AXDND1: variants seen among roughly 807,000 people sequenced by gnomAD.
AXDND1 encodes the protein axonemal dynein light chain domain containing 1.
Under a neutral mutation model 137.5 loss-of-function variants are expected in AXDND1, and 110 were observed. That is an observed-to-expected ratio of 0.80 (90% confidence interval 0.69 to 0.94). AXDND1 has a LOEUF of 0.94. AXDND1 is among the 40% of genes least tolerant of loss of function. The pLI, the probability that AXDND1 is intolerant of heterozygous loss-of-function variation, is 0.00. For missense variants in AXDND1, 1,191 were observed against 1,169.8 expected (o/e 1.02, Z -0.26); for synonymous variants, 414 against 399.7 (o/e 1.04, Z -0.43).
Position 179,411,136 on chromosome 1 carries a change from GT to G in AXDND1, c.1110-5del. On this transcript the variant is annotated splice_polypyrimidine_tract_variant and intron_variant, in intron 11 of 25. Coordinates refer to ENST00000367618, the MANE Select transcript of AXDND1 (RefSeq NM_144696.6). The stretch of plus-strand genomic sequence containing the variant: ...AATTAAATGAAGCTGTTTCTTAATT[GT>G]TTTTATAGAATAGTAGAAGAATATC... The G allele has an allele frequency of 6.5e-7, 1 of 1,533,496 alleles. No homozygotes were observed. The highest frequency in any genetic ancestry group is 1.2e-5 in the South Asian group (1 of 80,254). The allele number at this position is 1,533,496 out of a possible 1,614,324, so 95.0% of individuals were successfully genotyped here. A position where few individuals can be genotyped will look rare whatever the true frequency, so the allele number is the denominator to read the frequency against.
intron 11 of AXDND1, among the ~76,000 whole-genome samples, chr1:179,409,216 A>G (rs1424311643): frequency 6.6e-6 from 1 of 151,688 alleles, no homozygotes; most frequent in African/African-American, 2.4e-5. Flanking sequence ...TTTGGTATCT[A>G]TTATGAATGG....
intron 15 of AXDND1, among the ~76,000 whole-genome samples, chr1:179,434,869 G>A (rs1657917607): frequency 6.6e-6 from 1 of 152,120 alleles, no homozygotes; most frequent in African/African-American, 2.4e-5. Context: ...AAGAAATAGA[G>A]AGTATTCACA....
At chr1:179,525,478 T>C (rs745762563) in intron 22 of AXDND1, 31 bp downstream of exon 22, 2 of 508,182 alleles carry the variant, frequency 3.9e-6, no homozygotes, top group Non-Finnish European at 5.5e-6. Context: ...TTTTTCCTCC[T>C]ACATACATAC....
intron 6 of AXDND1, among the ~76,000 whole-genome samples, chr1:179,379,932 C>G (rs1250232447): frequency 6.6e-6 from 1 of 151,954 alleles, no homozygotes; most frequent in East Asian, 1.9e-4. Flanking sequence ...AACATTTGAG[C>G]CAGCCATCCT....
chr1:179,448,890 ATTT>A (rs34365013), intron 16 of AXDND1: 118 of 156,514 alleles, frequency 7.5e-4, no homozygotes, highest in South Asian at 2.0e-3. Context: ...TTTTGAGTTA[ATTT>A]TTTTTTTTTT....
chr1:179,541,489 T>C (rs1431581437), intron 25 of AXDND1, among the ~76,000 whole-genome samples: 1 of 151,974 alleles, frequency 6.6e-6, no homozygotes, highest in African/African-American at 2.4e-5. Context: ...GTTTTTTTTT[T>C]TTTTTTAATA....
intron 13 of AXDND1, among the ~76,000 whole-genome samples, chr1:179,430,137 A>G (rs1460359523): frequency 6.6e-6 from 1 of 151,936 alleles, no homozygotes; most frequent in East Asian, 1.9e-4. Flanking sequence ...AATAGCTATA[A>G]TTCACATTTG....
chr1:179,382,373 G>C (rs1042627369), intron 6 of AXDND1, among the ~76,000 whole-genome samples: 1 of 152,174 alleles, frequency 6.6e-6, no homozygotes, highest in African/African-American at 2.4e-5. Flanking sequence ...GAGCCACCAT[G>C]CCCGGCCCAT....
intron 19 of AXDND1, among the ~76,000 whole-genome samples, chr1:179,492,561 A>G (rs1215222685): frequency 2.6e-5 from 4 of 152,216 alleles, no homozygotes; most frequent in Non-Finnish European, 5.9e-5. Context: ...TGCTATCATT[A>G]CTTTAAATTC....
At chr1:179,434,041 T>C (rs61820981) in intron 15 of AXDND1, among the ~76,000 whole-genome samples, 17,580 of 152,170 alleles carry the variant, frequency 0.12, 1,213 homozygotes, top group East Asian at 0.35. Flanking sequence ...TGCTTCTGTG[T>C]TGGGTGCATA....
At chr1:179,375,557 CACATATATGTACAT>C (rs1437227699) in intron 4 of AXDND1, among the ~76,000 whole-genome samples, 1 of 149,976 alleles carries the variant, frequency 6.7e-6, no homozygotes, top group Admixed American at 6.7e-5. Context: ...ATATACTGTA[CACATATATGTACAT>C]ACATATATGT....
At chr1:179,443,815 G>A (rs1195827315) in intron 15 of AXDND1, among the ~76,000 whole-genome samples, 2 of 151,966 alleles carry the variant, frequency 1.3e-5, no homozygotes, top group Non-Finnish European at 2.9e-5. Flanking sequence ...AATCTTTAAG[G>A]GGTCAGAGCT....
chr1:179,406,901 T>C (rs1379556997), intron 11 of AXDND1, among the ~76,000 whole-genome samples: 2 of 152,176 alleles, frequency 1.3e-5, no homozygotes, highest in Non-Finnish European at 2.9e-5. Context: ...ATTTTGTTAA[T>C]TATATTCTGA....
intron 12 of AXDND1, among the ~76,000 whole-genome samples, chr1:179,422,185 G>A (rs1655852805): frequency 6.8e-6 from 1 of 147,532 alleles, no homozygotes; most frequent in Admixed American, 6.8e-5. Flanking sequence ...TGCTTTTCTA[G>A]TTCCTTGAGG....
intron 15 of AXDND1, among the ~76,000 whole-genome samples, chr1:179,439,756 G>A (rs549039911): frequency 4.8e-4 from 73 of 152,230 alleles, no homozygotes; most frequent in African/African-American, 1.5e-3. Flanking sequence ...CCTTCTCTCC[G>A]TCTTTGCACT....
intron 18 of AXDND1, among the ~76,000 whole-genome samples, chr1:179,484,420 G>A (rs1665784685): frequency 6.6e-6 from 1 of 152,120 alleles, no homozygotes; most frequent in South Asian, 2.1e-4. Flanking sequence ...CTAAGACAGG[G>A]CCAGTTTCAC....
At chr1:179,379,959 A>G (rs188715762) in intron 6 of AXDND1, among the ~76,000 whole-genome samples, 2 of 152,198 alleles carry the variant, frequency 1.3e-5, no homozygotes, top group East Asian at 3.9e-4. Context: ...ATTAAGAAAG[A>G]TACAAATTGG....
intron 11 of AXDND1, among the ~76,000 whole-genome samples, chr1:179,403,993 T>C (rs1652530469): frequency 6.6e-6 from 1 of 152,220 alleles, no homozygotes; most frequent in South Asian, 2.1e-4. Flanking sequence ...TATGATTTAA[T>C]ACTGTACCTG....
At chr1:179,440,504 G>A (rs775764979) in intron 15 of AXDND1, among the ~76,000 whole-genome samples, 7 of 152,212 alleles carry the variant, frequency 4.6e-5, no homozygotes, top group Non-Finnish European at 8.8e-5. Context: ...TTCTACAGGT[G>A]TGGCTCCAGG....
Sources: allele counts gnomAD v4.1 joint callset (sites outside exome capture counted in the v4.1 genomes callset), GRCh38; gene constraint gnomAD v4.1.1; transcripts MANE v1.5; gene names NCBI Gene and HGNC (gene_info 2026-07-23, HGNC 2026-07-21).